The following DNAJC21 variants were observed in gnomAD, a reference collection of about 807,000 sequenced individuals.
DNAJC21 encodes the protein DnaJ heat shock protein family (Hsp40) member C21.
DNAJC21 carries 63 observed loss-of-function variants against 72.4 expected under a neutral mutation model. The observed-to-expected ratio is 0.87, with a 90% CI of 0.71 to 1.07. DNAJC21 has a LOEUF of 1.07. Ranked by LOEUF, DNAJC21 falls within the 50% of genes least tolerant of loss-of-function variation. The pLI is 0.00. For synonymous variants in DNAJC21, 203 were observed against 216.7 expected (o/e 0.94, Z 0.56); for missense variants, 634 against 644.8 (o/e 0.98, Z 0.18).
chr5:34,942,775 T>A (rs1765040415), intron 7 of DNAJC21, among the ~76,000 whole-genome samples: 1 of 152,172 alleles, frequency 6.6e-6, no homozygotes, highest in Non-Finnish European at 1.5e-5. Context: ...ATCTTAAGAA[T>A]AAGGTTATTC....
At chr5:34,951,655 G>A in intron 10 of DNAJC21, 9 of 843,870 alleles carry the variant, frequency 1.1e-5, no homozygotes, top group Non-Finnish European at 1.3e-5. Context: ...AGCCTCTCGA[G>A]TTGCTGGGAC....
At chr5:34,940,137 C>T (rs567701350) in intron 6 of DNAJC21, among the ~76,000 whole-genome samples, 4 of 152,190 alleles carry the variant, frequency 2.6e-5, no homozygotes, top group East Asian at 1.9e-4. Flanking sequence ...TCTGTTTTGC[C>T]GTTGTGGAAA....
intron 10 of DNAJC21, chr5:34,951,852 C>T (rs962229766): frequency 8.1e-6 from 8 of 985,290 alleles, no homozygotes; most frequent in Non-Finnish European, 9.6e-6. Flanking sequence ...GAGAATTGAT[C>T]TGGGGAGGAA....
chr5:34,938,596 C>A (rs1764875544), intron 5 of DNAJC21, among the ~76,000 whole-genome samples: 1 of 152,218 alleles, frequency 6.6e-6, no homozygotes, highest in Non-Finnish European at 1.5e-5. Flanking sequence ...GACTTAAAAT[C>A]ATCTGAAGAC....
At chr5:34,941,560 CTTTTT>C (rs765889955) in intron 7 of DNAJC21, among the ~76,000 whole-genome samples, 19 of 76,110 alleles carry the variant, frequency 2.5e-4, no homozygotes, top group South Asian at 1.1e-3. Flanking sequence ...CTTGTGTTTT[CTTTTT>C]TTTTTTTTTT....
At chr5:34,936,299 A>G (rs1764775710) in intron 4 of DNAJC21, 33 bp downstream of exon 4, 1 of 1,590,748 alleles carries the variant, frequency 6.3e-7, no homozygotes. Context: ...TATAATTAGT[A>G]TTTATCACTG....
At position 34,954,648 on chromosome 5, in the gene DNAJC21, TTCA is replaced by T; in HGVS notation, c.1536_1538del (p.Ser514del). On this transcript the variant is annotated inframe_deletion, in exon 12 of 12. Transcript: ENST00000648817. The stretch of plus-strand genomic sequence containing the variant: ...AGGCCACAGGTCATGCAAGAGCACC[TTCA>T]TCATCGTCTTTAAACAGCGCAACAA... 6.2e-7 allele frequency: 1 copy of T among 1,613,626 alleles called. No individual in the cohort carries two copies.
rs547937659 is a variant in DNAJC21 at position 34,946,374 on chromosome 5, A to G, written c.1185+571A>G. On this transcript the variant is annotated intron_variant, in intron 9 of 11. Transcript: ENST00000648817. ...GGTATTATGTTGTTATACCTATAAA[A>G]ATAAAGTGAATTTGTCCATTTTACC... Among the ~76,000 whole-genome samples the G allele has an allele frequency of 2.6e-5, 4 of 152,262 alleles. No homozygotes were observed. The South Asian group carries it at 8.3e-4, about 32-fold the overall frequency.
Position 34,954,924 on chromosome 5 carries a change from G to T in DNAJC21, c.*210G>T. The T allele has an allele frequency of 2.1e-6, 1 of 480,542 alleles. No homozygotes were observed. Among genetic ancestry groups the T allele is most frequent in the Non-Finnish European group, 3.4e-6 (1 of 292,978 alleles). 29.8% of individuals were successfully genotyped at this position (480,542 alleles called of 1,614,324 possible). On this transcript the variant is annotated 3_prime_UTR_variant, in exon 12 of 12. Coordinates refer to ENST00000648817, the MANE Select transcript of DNAJC21 (RefSeq NM_001012339.3). Reference sequence around the variant, plus strand: ...GAATTCTACTTTTGCCATCTGAATTGACTTGAATGTCTTAAAACAGGTAAA... The same window carrying T: ...GAATTCTACTTTTGCCATCTGAATTTACTTGAATGTCTTAAAACAGGTAAA...
rs371217385 is a variant in DNAJC21 at position 34,950,801 on chromosome 5, A to G, written c.1358+459A>G. 11 of 986,424 alleles carry G rather than the reference A, an allele frequency of 1.1e-5. No individual in the cohort carries two copies. In the African/African-American group the frequency reaches 1.9e-4, roughly 17 times the overall value. The allele number at this position is 986,424 out of a possible 1,614,324, so 61.1% of individuals were successfully genotyped here. On this transcript the variant is annotated intron_variant, in intron 10 of 11. Coordinates refer to ENST00000648817, the MANE Select transcript of DNAJC21 (RefSeq NM_001012339.3). ...CCCTTCCTGCTCAGAGGAGCCCTGGACTCTTGGTGCTGCACAAGGCCATGG... is the reference window on the plus strand; with the variant it reads ...CCCTTCCTGCTCAGAGGAGCCCTGGGCTCTTGGTGCTGCACAAGGCCATGG...
intron 1 of DNAJC21, chr5:34,930,202 C>CG (rs1459958386): frequency 4.5e-6 from 1 of 220,136 alleles, no homozygotes; most frequent in African/African-American, 2.3e-5. Context: ...CACTTGCTCC[C>CG]GCTACCGGGT....
intron 9 of DNAJC21, among the ~76,000 whole-genome samples, chr5:34,949,163 C>G (rs942043784): frequency 8.5e-5 from 13 of 152,100 alleles, no homozygotes; most frequent in Non-Finnish European, 4.4e-5. Flanking sequence ...ACCAAATGAT[C>G]AAACTTAATA....
intron 6 of DNAJC21, 141 bp downstream of exon 6, chr5:34,939,150 G>C: frequency 1.3e-6 from 1 of 751,982 alleles, no homozygotes; most frequent in Admixed American, 3.0e-5. Flanking sequence ...AGTCGGCTGA[G>C]CTAGTCTAAT....
chr5:34,933,155 C>T (rs1030888934), intron 1 of DNAJC21, among the ~76,000 whole-genome samples: 1 of 152,228 alleles, frequency 6.6e-6, no homozygotes, highest in African/African-American at 2.4e-5. Context: ...CAGCACTAAA[C>T]ATAATCTAGT....
chr5:34,954,119 G>T, intron 11 of DNAJC21, 118 bp downstream of exon 11: 1 of 855,996 alleles, frequency 1.2e-6, no homozygotes, highest in Non-Finnish European at 1.7e-6. Context: ...GCAAAGATGT[G>T]GATCCATCAA....
Position 34,958,111 on chromosome 5 carries a change from C to T in DNAJC21, c.*3397C>T, listed in dbSNP as rs1258384634. On this transcript the variant is annotated 3_prime_UTR_variant, in exon 12 of 12. Coordinates refer to ENST00000648817, the MANE Select transcript of DNAJC21 (RefSeq NM_001012339.3). ...ACAGGGCAGATGCCTGGACTCCCAA[C>T]TCAGTAGGCCTTCTGTTACACCTCA... The T allele has an allele frequency of 6.6e-6, 1 of 152,182 alleles. No individual in the cohort carries two copies. Among genetic ancestry groups the T allele is most frequent in the East Asian group, 1.9e-4 (1 of 5,196 alleles). 9.4% of individuals were successfully genotyped at this position (152,182 alleles called of 1,614,324 possible). A position where few individuals can be genotyped will look rare whatever the true frequency, so the allele number is the denominator to read the frequency against.
chr5:34,936,564 C>G (rs1302828975), intron 4 of DNAJC21, among the ~76,000 whole-genome samples: 1 of 152,152 alleles, frequency 6.6e-6, no homozygotes, highest in Non-Finnish European at 1.5e-5. Flanking sequence ...CCTCCTTGGC[C>G]TCCCAAAAGA....
intron 10 of DNAJC21, 184 bp downstream of exon 10, chr5:34,950,526 G>T (rs1345111539): frequency 1.6e-6 from 2 of 1,250,872 alleles, no homozygotes; most frequent in Admixed American, 3.9e-5. Flanking sequence ...AGAAGAGGAT[G>T]CTAGAGGAAT....
chr5:34,947,063 G>A (rs953564694), intron 9 of DNAJC21, among the ~76,000 whole-genome samples: 13 of 152,134 alleles, frequency 8.5e-5, no homozygotes, highest in African/African-American at 2.4e-4. Flanking sequence ...GAAATGTACT[G>A]ATAGATTTAA....
Sources: gnomAD v4.1 joint callset for allele counts (sites outside exome capture counted in the v4.1 genomes callset) on GRCh38, gnomAD v4.1.1 for gene constraint, MANE v1.5 for transcripts, NCBI Gene and HGNC (gene_info 2026-07-23, HGNC 2026-07-21) for gene names.